The following HERC4 variants were observed in gnomAD, a reference collection of about 807,000 sequenced individuals.
HERC4 encodes the protein HECT and RLD domain containing E3 ubiquitin protein ligase 4.
A neutral mutation model predicts 124.3 loss-of-function variants in HERC4; 28 were observed. The observed-to-expected ratio is 0.23, with a 90% CI of 0.17 to 0.31. The LOEUF (loss-of-function observed/expected upper bound fraction) is 0.31. Among genes scored for constraint, HERC4 ranks in the 10% least tolerant of loss-of-function variants. The pLI is 1.00. For missense variants in HERC4, 713 were observed against 1,229.3 expected (o/e 0.58, Z 6.28); for synonymous variants, 407 against 421.5 (o/e 0.97, Z 0.42).
chr10:67,927,400 A>T (rs2031139231), intron 23 of HERC4, among the ~76,000 whole-genome samples: 1 of 6,726 alleles, frequency 1.5e-4, no homozygotes, highest in Admixed American at 1.5e-3. Flanking sequence ...ATATATATAT[A>T]TATATATATA....
chr10:67,953,089 A>G (rs2033913726), intron 19 of HERC4, among the ~76,000 whole-genome samples: 1 of 152,096 alleles, frequency 6.6e-6, no homozygotes, highest in East Asian at 1.9e-4. Context: ...TAGCCCATAC[A>G]TTTTCAAAAG....
chr10:67,956,681 T>G (rs1037223732), intron 17 of HERC4, 197 bp downstream of exon 17: 1 of 377,224 alleles, frequency 2.7e-6, no homozygotes, highest in Non-Finnish European at 4.7e-6. Context: ...TAGGTTAAGT[T>G]ATTCCATTTT....
intron 3 of HERC4, among the ~76,000 whole-genome samples, chr10:68,057,708 ATT>A (rs112719465): frequency 1.4e-5 from 2 of 146,866 alleles, no homozygotes; most frequent in African/African-American, 2.5e-5. Context: ...ACACCTTATT[ATT>A]TTTTTTTTTC....
intron 3 of HERC4, among the ~76,000 whole-genome samples, chr10:68,072,320 T>C (rs767442396): frequency 1.3e-5 from 2 of 152,086 alleles, no homozygotes; most frequent in Non-Finnish European, 2.9e-5. Flanking sequence ...GGACACTTCA[T>C]AGTCACAAAA....
chr10:68,036,175 A>T (rs908983811), intron 5 of HERC4, among the ~76,000 whole-genome samples: 5 of 151,854 alleles, frequency 3.3e-5, no homozygotes, highest in African/African-American at 1.2e-4. Flanking sequence ...AAAATTAGCC[A>T]GGCCTGGTGG....
At position 67,925,642 on chromosome 10, in the gene HERC4, CCTGGTATTCATGCCCGT is replaced by C. The variant is rs1488854481; in HGVS notation, c.2839-472_2839-456del. ...AGATGGCCACCAGTGAGCACTGCCT[CCTGGTATTCATGCCCGT>C]GTGTATAAGGATACTGTGAATATGA... On this transcript the variant is annotated intron_variant, in intron 23 of 24. Coordinates refer to ENST00000373700, the MANE Select transcript of HERC4 (RefSeq NM_015601.4). Among the ~76,000 whole-genome samples, 3 of 152,152 alleles carry C rather than the reference CCTGGTATTCATGCCCGT, an allele frequency of 2.0e-5. No individual in the cohort carries two copies. The South Asian group carries it at 6.2e-4, about 32-fold the overall frequency.
intron 15 of HERC4, among the ~76,000 whole-genome samples, chr10:67,975,963 T>C (rs924526733): frequency 3.3e-5 from 5 of 151,404 alleles, no homozygotes; most frequent in Non-Finnish European, 5.9e-5. Context: ...ATTTTCATCC[T>C]AAAAGAAGGG....
At chr10:68,005,418 A>G (rs1357873517) in intron 9 of HERC4, among the ~76,000 whole-genome samples, 2 of 151,920 alleles carry the variant, frequency 1.3e-5, no homozygotes, top group Non-Finnish European at 2.9e-5. Flanking sequence ...TTTTCAGTGT[A>G]TGTGTGTCTT....
intron 3 of HERC4, chr10:68,068,974 CAAA>C: frequency 1.4e-5 from 12 of 860,618 alleles, no homozygotes; most frequent in Non-Finnish European, 1.7e-5. Flanking sequence ...TTGTAAAACA[CAAA>C]AAACTGTTTT....
intron 2 of HERC4, 28 bp from the exon 3 acceptor site, chr10:68,073,214 ACTTC>A (rs1430745788): frequency 3.9e-6 from 3 of 775,842 alleles, no homozygotes; most frequent in Admixed American, 2.8e-5. Flanking sequence ...AGTTAATATG[ACTTC>A]AAAGAAAAAA....
At chr10:67,978,103 C>T (rs569765588) in intron 15 of HERC4, among the ~76,000 whole-genome samples, 1 of 152,102 alleles carries the variant, frequency 6.6e-6, no homozygotes, top group East Asian at 1.9e-4. Flanking sequence ...TGGTGAAACC[C>T]CATCTCTACT....
At chr10:68,018,993 C>CTTTT (rs35817479) in intron 8 of HERC4, among the ~76,000 whole-genome samples, 1 of 88,014 alleles carries the variant, frequency 1.1e-5, no homozygotes, top group African/African-American at 4.7e-5. Context: ...AGCATTCTTT[C>CTTTT]TTTTTTTTTT....
chr10:68,001,134 G>A (rs570129637), intron 9 of HERC4, among the ~76,000 whole-genome samples: 2 of 152,250 alleles, frequency 1.3e-5, no homozygotes, highest in South Asian at 2.1e-4. Flanking sequence ...ACTTTGGGAC[G>A]TCAAGGCAGG....
intron 19 of HERC4, among the ~76,000 whole-genome samples, chr10:67,946,117 G>A (rs1387741729): frequency 6.6e-6 from 1 of 151,852 alleles, no homozygotes; most frequent in Non-Finnish European, 1.5e-5. Context: ...GCCAGGCATG[G>A]TGGCACGTGC....
chr10:67,972,529 G>GAAAA (rs58031306), intron 15 of HERC4, among the ~76,000 whole-genome samples: 1 of 58,396 alleles, frequency 1.7e-5, no homozygotes, highest in Non-Finnish European at 3.1e-5. Flanking sequence ...CAAAAAAGAG[G>GAAAA]AAAAAAAAAA....
intron 3 of HERC4, among the ~76,000 whole-genome samples, chr10:68,048,374 G>A (rs1224586267): frequency 2.0e-5 from 3 of 152,114 alleles, no homozygotes; most frequent in Non-Finnish European, 4.4e-5. Context: ...GAAAAGACAT[G>A]GAAGAAATTT....
chr10:68,044,257 G>T, intron 4 of HERC4, 147 bp downstream of exon 4: 1 of 636,212 alleles, frequency 1.6e-6, no homozygotes, highest in Non-Finnish European at 2.5e-6. Flanking sequence ...AACATCATAA[G>T]CAAGAACCAA....
chr10:67,924,135 T>A (rs910588464), intron 24 of HERC4, among the ~76,000 whole-genome samples: 1 of 152,150 alleles, frequency 6.6e-6, no homozygotes, highest in Non-Finnish European at 1.5e-5. Flanking sequence ...TATCCATGGA[T>A]TGAACCGACT....
chr10:67,927,221 A>G (rs570000206), intron 23 of HERC4, among the ~76,000 whole-genome samples: 5 of 151,998 alleles, frequency 3.3e-5, no homozygotes, highest in South Asian at 2.1e-4. Context: ...GAGGATGGCT[A>G]AAGTTTTTTT....
Sources: allele counts gnomAD v4.1 joint callset (sites outside exome capture counted in the v4.1 genomes callset), GRCh38; gene constraint gnomAD v4.1.1; transcripts MANE v1.5; gene names NCBI Gene and HGNC (gene_info 2026-07-23, HGNC 2026-07-21).